CEACAM3: variants seen among roughly 807,000 people sequenced by gnomAD.
The protein encoded by CEACAM3 is cell adhesion molecule CEACAM3.
CEACAM3 carries 32 observed loss-of-function variants against 30.1 expected under a neutral mutation model. The ratio of observed to expected loss-of-function variants is 1.06; its 90% confidence interval spans 0.80 to 1.43. The LOEUF (loss-of-function observed/expected upper bound fraction) is 1.43, where lower values mean the gene tolerates loss of function less well. CEACAM3 is among the 40% of genes most tolerant of loss of function. CEACAM3 has a pLI of 0.00. For missense variants in CEACAM3, 290 were observed against 316.3 expected (o/e 0.92, Z 0.63); for synonymous variants, 134 against 127.2 (o/e 1.05, Z -0.36).
chr19:41,810,364 T>C lies in CEACAM3; in HGVS notation c.627+10T>C, dbSNP rs782128256. On this transcript the variant is annotated intron_variant, in intron 5 of 6. Coordinates refer to ENST00000357396, the MANE Select transcript of CEACAM3 (RefSeq NM_001815.5). ...CAGCTCTGCCTTCTCGGTAAGCCTG[T>C]CCCCTTCCAGCCCCTTTCTACTGGG... 1 of 1,598,828 alleles carries C rather than the reference T, an allele frequency of 6.3e-7. No individual in the cohort carries two copies. The highest frequency in any genetic ancestry group is 8.5e-7 in the Non-Finnish European group (1 of 1,173,246).
chr19:41,797,995 T>C (rs1555825511), intron 2 of CEACAM3, 47 bp downstream of exon 2: 1 of 1,562,930 alleles, frequency 6.4e-7, no homozygotes. Flanking sequence ...CAGTTCTACT[T>C]CCCACATATG....
chr19:41,810,941 G>T, intron 6 of CEACAM3, 44 bp downstream of exon 6: 1 of 1,558,544 alleles, frequency 6.4e-7, no homozygotes, highest in Non-Finnish European at 8.8e-7. Context: ...GGCCCCAGGG[G>T]ACCCAGGATC....
At chr19:41,803,606 A>G (rs1284581248) in intron 2 of CEACAM3, among the ~76,000 whole-genome samples, 1 of 151,844 alleles carries the variant, frequency 6.6e-6, no homozygotes, top group Non-Finnish European at 1.5e-5. Context: ...AGCTGGGACC[A>G]CAGGCGCCCG....
intron 2 of CEACAM3, among the ~76,000 whole-genome samples, chr19:41,803,101 A>C (rs543778890): frequency 2.6e-5 from 4 of 152,204 alleles, no homozygotes; most frequent in Non-Finnish European, 5.9e-5. Flanking sequence ...TCAGAACAAC[A>C]ATCAGAACCA....
chr19:41,800,079 G>A (rs1251099333), intron 2 of CEACAM3, among the ~76,000 whole-genome samples: 1 of 152,154 alleles, frequency 6.6e-6, no homozygotes, highest in Non-Finnish European at 1.5e-5. Flanking sequence ...AGTTATACCA[G>A]ATATAGATCT....
At chr19:41,806,033 G>C (rs1273871621) in intron 2 of CEACAM3, among the ~76,000 whole-genome samples, 1 of 151,924 alleles carries the variant, frequency 6.6e-6, no homozygotes, top group Non-Finnish European at 1.5e-5. Flanking sequence ...GTTGTTGTTT[G>C]TTGTTTGTTG....
intron 2 of CEACAM3, among the ~76,000 whole-genome samples, chr19:41,801,178 C>A (rs559548220): frequency 6.6e-6 from 1 of 152,294 alleles, no homozygotes; most frequent in African/African-American, 2.4e-5. Context: ...TAGGTCTTCC[C>A]CAGGAACTCC....
At position 41,796,690 on chromosome 19, in the gene CEACAM3, T is replaced by A; in HGVS notation, c.13T>A (p.Ser5Thr). The change falls in exon 1 of 7, where the codon TCA becomes ACA. Residue 5 changes from serine (S) to threonine (T), a missense_variant. Physicochemically the swap from Ser to Thr is moderately conservative, Grantham distance 58 (BLOSUM62 1). Transcript: ENST00000357396. MGPPSASPHRECIPW... is the reference protein window; with the variant it reads MGPPTASPHRECIPW... ...GGCAGCAGAGACCATGGGGCCCCCC[T>A]CAGCCTCTCCCCACAGAGAATGCAT... is the stretch of plus-strand genomic sequence containing the variant. 1 of 1,614,110 alleles carries A rather than the reference T, an allele frequency of 6.2e-7. No individual in the cohort carries two copies. Among genetic ancestry groups the A allele is most frequent in the Non-Finnish European group, 8.5e-7 (1 of 1,179,986 alleles).
At chr19:41,807,033 G>A (rs2073207190) in intron 2 of CEACAM3, 2 of 1,596,182 alleles carry the variant, frequency 1.3e-6, no homozygotes, top group Admixed American at 1.7e-5. Flanking sequence ...AATAGGAGAT[G>A]TTGATTCTGA....
At chr19:41,806,623 A>G (rs2073202276) in intron 2 of CEACAM3, among the ~76,000 whole-genome samples, 1 of 152,150 alleles carries the variant, frequency 6.6e-6, no homozygotes. Context: ...TCAGACGGTC[A>G]TGCATCTGTC....
intron 2 of CEACAM3, among the ~76,000 whole-genome samples, chr19:41,806,619 G>A (rs888636763): frequency 7.9e-5 from 12 of 152,286 alleles, no homozygotes; most frequent in Non-Finnish European, 1.5e-4. Flanking sequence ...GCCCTCAGAC[G>A]GTCATGCATC....
rs2073113369 is a variant in CEACAM3 at position 41,797,701 on chromosome 19, C to G, written c.177C>G (p.Pro59=). The G allele has an allele frequency of 6.2e-7, 1 of 1,614,036 alleles. No individual in the cohort carries two copies. The highest frequency in any genetic ancestry group is 8.5e-7 in the Non-Finnish European group (1 of 1,179,972). The change falls in exon 2 of 7, where the codon CCC becomes CCG. Residue 59 remains proline (P), a synonymous_variant. Transcript: ENST00000357396. ...KEVLLLVHNL[P]QHLFGYSWYK... The stretch of plus-strand genomic sequence containing the variant: ...TGCTTCTACTTGTCCACAATCTGCC[C>G]CAGCATCTTTTTGGCTACAGCTGGT...
rs200503121 is a variant in CEACAM3, at chr19:41,809,979, G to A, written c.557G>A (p.Arg186His). ...ACCTTTCCTAGAACCAGCATCCAGC[G>A]TGACCTCAAGGAGCAGCAGCCCCAA... ...LAKTGRTSIQ[R>H]DLKEQQPQAL... The change falls in exon 4 of 7, where the codon CGT becomes CAT. Residue 186 changes from arginine (R) to histidine (H), a missense_variant. Coordinates refer to ENST00000357396, the MANE Select transcript of CEACAM3 (RefSeq NM_001815.5). 357 of 1,613,742 alleles carry A rather than the reference G, an allele frequency of 2.2e-4. 1 individual carries two copies. The highest frequency in any genetic ancestry group is 6.7e-5 in the African/African-American group (5 of 74,884).
chr19:41,811,011 G>A (rs930338403), intron 6 of CEACAM3, 114 bp downstream of exon 6: 47 of 1,283,084 alleles, frequency 3.7e-5, no homozygotes, highest in Non-Finnish European at 4.8e-5. Flanking sequence ...AAATAAGAAC[G>A]GGGGTGGCGA....
intron 2 of CEACAM3, among the ~76,000 whole-genome samples, chr19:41,804,431 A>C (rs1487113329): frequency 6.6e-6 from 1 of 152,198 alleles, no homozygotes; most frequent in South Asian, 2.1e-4. Flanking sequence ...AAAAGGAGGA[A>C]GGTGTTTCAT....
rs375600212 is a variant in CEACAM3 at position 41,810,912 on chromosome 19, C to T, written c.693+15C>T. 2.9e-5 allele frequency: 46 copies of T among 1,610,948 alleles called. No individual in the cohort carries two copies. In the African/African-American group the frequency reaches 2.9e-4, roughly 10 times the overall value. On this transcript the variant is annotated intron_variant, in intron 6 of 6. Coordinates refer to ENST00000357396, the MANE Select transcript of CEACAM3 (RefSeq NM_001815.5). The stretch of plus-strand genomic sequence containing the variant: ...CCATCTATGAGGTGAGTGTGGGCCA[C>T]GGATGTTCTGGTCCCACAGGCCCCA...
At chr19:41,807,695 A>T (rs2073214517) in intron 2 of CEACAM3, 1 of 1,016,750 alleles carries the variant, frequency 9.8e-7, no homozygotes, top group Admixed American at 3.7e-5. Flanking sequence ...GCTCACAGGG[A>T]CACTGTGGCT....
chr19:41,805,192 T>C (rs1455632807), intron 2 of CEACAM3, among the ~76,000 whole-genome samples: 1 of 150,924 alleles, frequency 6.6e-6, no homozygotes, highest in Non-Finnish European at 1.5e-5. Flanking sequence ...CTCTAGAACC[T>C]CCATATTTTG....
rs1555827503 is a variant in CEACAM3, at chr19:41,810,812, C to A, written c.628-20C>A. 6.2e-7 allele frequency: 1 copy of A among 1,604,588 alleles called. No individual in the cohort carries two copies. The highest frequency in any genetic ancestry group is 1.1e-5 in the South Asian group (1 of 90,856). On this transcript the variant is annotated intron_variant, in intron 5 of 6. Coordinates refer to ENST00000357396, the MANE Select transcript of CEACAM3 (RefSeq NM_001815.5). ...AAACTTCCAGGCTGGGCCTCCATGA[C>A]CCTCCCTCCCTGTCCACAGATGTCC...
Sources: allele counts gnomAD v4.1 joint callset (sites outside exome capture counted in the v4.1 genomes callset), GRCh38; gene constraint gnomAD v4.1.1; transcripts MANE v1.5; gene names NCBI Gene and HGNC (gene_info 2026-07-23, HGNC 2026-07-21).